NELL2: variants seen among roughly 807,000 people sequenced by gnomAD.
The protein encoded by NELL2 is protein kinase C-binding protein NELL2.
NELL2 carries 41 observed loss-of-function variants against 109.6 expected under a neutral mutation model. That is an observed-to-expected ratio of 0.37 (90% CI 0.29 to 0.49). NELL2 has a LOEUF of 0.49. Ranked by LOEUF, NELL2 falls within the 20% of genes least tolerant of loss-of-function variation. NELL2 has a pLI of 0.98. For synonymous variants in NELL2, 355 were observed against 344.7 expected (o/e 1.03, Z -0.33); for missense variants, 900 against 1,008.3 (o/e 0.89, Z 1.45).
chr12:44,627,793 T>C (rs988243419), intron 13 of NELL2, among the ~76,000 whole-genome samples: 3 of 152,204 alleles, frequency 2.0e-5, no homozygotes, highest in Admixed American at 1.3e-4. Flanking sequence ...TTCCAACTTA[T>C]GGAAAAGTAG....
At chr12:44,777,449 A>G (rs944609504) in intron 5 of NELL2, 135 bp from the exon 6 acceptor site, 4 of 676,176 alleles carry the variant, frequency 5.9e-6, no homozygotes, top group African/African-American at 1.8e-5. Flanking sequence ...TTGTTAATAC[A>G]TTATTTCCAC....
intron 11 of NELL2, among the ~76,000 whole-genome samples, chr12:44,705,724 A>T (rs1937840615): frequency 6.6e-6 from 1 of 152,202 alleles, no homozygotes; most frequent in South Asian, 2.1e-4. Context: ...TTTATTCTAT[A>T]TTAAAACAAA....
intron 15 of NELL2, among the ~76,000 whole-genome samples, chr12:44,587,307 A>ATATT (rs1302978950): frequency 1.1e-3 from 107 of 96,630 alleles, no homozygotes; most frequent in Admixed American, 2.1e-3. Context: ...ATATATATAT[A>ATATT]TTTTTTTTTA....
rs60628417 is a variant in NELL2 at position 44,849,678 on chromosome 12, G to A, written c.184+25547C>T. On this transcript the variant is annotated intron_variant, in intron 2 of 19. Coordinates refer to ENST00000429094, the MANE Select transcript of NELL2 (RefSeq NM_001145108.2). ...AAGGAATAAAAGTAAATGTCCAAAA[G>A]AAACTTTTAGAGAATATTTATGGCA... is the stretch of plus-strand genomic sequence containing the variant. 6.0e-3 allele frequency among the ~76,000 whole-genome samples: 914 copies of A among 152,142 alleles called. 6 individuals are homozygous for A. Among genetic ancestry groups the A allele is most frequent in the African/African-American group, 0.021 (870 of 41,526 alleles).
chr12:44,529,152 A>G (rs550983716), intron 16 of NELL2, among the ~76,000 whole-genome samples: 1 of 152,188 alleles, frequency 6.6e-6, no homozygotes, highest in Non-Finnish European at 1.5e-5. Flanking sequence ...GGAAGCTGCT[A>G]TAGTGGTTCA....
In NELL2 at chr12:44,547,022, A is replaced by G. The variant is rs77284286; in HGVS notation, c.1664-14301T>C. Among the ~76,000 whole-genome samples the G allele has an allele frequency of 1.2e-3, 187 of 152,250 alleles. 2 individuals carry two copies. The East Asian group carries it at 0.032, about 26-fold the overall frequency. ...CATTCACACACAAACCTTTTTTTTAAAAGATTTATATGGTGATAGGAGACA... is the reference window on the plus strand; with the variant it reads ...CATTCACACACAAACCTTTTTTTTAGAAGATTTATATGGTGATAGGAGACA... On this transcript the variant is annotated intron_variant, in intron 15 of 19. Transcript: ENST00000429094.
At chr12:44,527,316 A>G (rs1438825343) in intron 16 of NELL2, among the ~76,000 whole-genome samples, 1 of 152,220 alleles carries the variant, frequency 6.6e-6, no homozygotes, top group Non-Finnish European at 1.5e-5. Context: ...ATTTATGTGG[A>G]AAAAGATACT....
intron 9 of NELL2, among the ~76,000 whole-genome samples, chr12:44,759,958 A>C (rs10785524): frequency 0.7 from 106,831 of 151,538 alleles, 37,872 homozygotes; most frequent in Non-Finnish European, 0.74. Context: ...TTCGTATCAT[A>C]TACCTATGGC....
rs180730042 is a variant in NELL2, at chr12:44,707,086, T to C, written c.1190-3232A>G. On this transcript the variant is annotated intron_variant, in intron 11 of 19. Transcript: ENST00000429094. ...TTGCCTAAAGGCATCTATTTCTTGTTTTTGTGGAAAAAAAGAATAACCTCG... is the reference window on the plus strand; with the variant it reads ...TTGCCTAAAGGCATCTATTTCTTGTCTTTGTGGAAAAAAAGAATAACCTCG... Among the ~76,000 whole-genome samples the C allele has an allele frequency of 1.8e-3, 270 of 152,304 alleles. 2 individuals carry two copies. The highest frequency in any genetic ancestry group is 6.2e-3 in the African/African-American group (256 of 41,578).
intron 1 of NELL2, among the ~76,000 whole-genome samples, chr12:44,920,556 C>G (rs75697883): frequency 0.02 from 3,097 of 152,226 alleles, 46 homozygotes; most frequent in Non-Finnish European, 0.031. Context: ...TAATGAGCTA[C>G]AAGGTTTATT....
At chr12:44,719,928 T>C (rs891664932) in intron 9 of NELL2, among the ~76,000 whole-genome samples, 3 of 152,286 alleles carry the variant, frequency 2.0e-5, no homozygotes, top group African/African-American at 7.2e-5. Flanking sequence ...AATGCATTCA[T>C]GAGGCAGGCT....
At chr12:44,517,423 T>G (rs1471972321) in intron 19 of NELL2, among the ~76,000 whole-genome samples, 1 of 91,134 alleles carries the variant, frequency 1.1e-5, no homozygotes, top group East Asian at 3.9e-4. Flanking sequence ...CTCTCTCTCG[T>G]TCCCACTCTT....
chr12:44,902,509 A>G (rs1242192595), intron 1 of NELL2, among the ~76,000 whole-genome samples: 1 of 152,202 alleles, frequency 6.6e-6, no homozygotes, highest in Non-Finnish European at 1.5e-5. Context: ...TGCTATTCCC[A>G]TCAAGCTACC....
chr12:44,771,568 G>A (rs1292837043), intron 9 of NELL2, among the ~76,000 whole-genome samples: 1 of 152,154 alleles, frequency 6.6e-6, no homozygotes, highest in Non-Finnish European at 1.5e-5. Context: ...TAATTACTAT[G>A]GCTTTAACGA....
At chr12:44,695,298 A>T (rs1481166601) in intron 12 of NELL2, among the ~76,000 whole-genome samples, 2 of 152,146 alleles carry the variant, frequency 1.3e-5, no homozygotes, top group African/African-American at 4.8e-5. Context: ...CTCAAAAAAA[A>T]AAAAAAAAGA....
chr12:44,628,034 G>A (rs185743600), intron 13 of NELL2, among the ~76,000 whole-genome samples: 1 of 152,064 alleles, frequency 6.6e-6, no homozygotes, highest in African/African-American at 2.4e-5. Flanking sequence ...TGAATAAATG[G>A]GTGAAGAGTT....
chr12:44,512,975 C>T (rs1173127152), intron 19 of NELL2, among the ~76,000 whole-genome samples: 2 of 151,884 alleles, frequency 1.3e-5, no homozygotes, highest in East Asian at 3.9e-4. Context: ...TTTGAATGTT[C>T]CCACCACAAA....
intron 13 of NELL2, among the ~76,000 whole-genome samples, chr12:44,639,760 C>G (rs1380145312): frequency 1.3e-5 from 2 of 152,138 alleles, no homozygotes; most frequent in African/African-American, 2.4e-5. Flanking sequence ...ACAGCAATGT[C>G]TTTAAAACAT....
At position 44,522,044 on chromosome 12, in the gene NELL2, T is replaced by C; in HGVS notation, c.2131A>G (p.Ser711Gly). The C allele has an allele frequency of 1.2e-6, 2 of 1,614,116 alleles. No individual in the cohort carries two copies. Among genetic ancestry groups the C allele is most frequent in the Non-Finnish European group, 1.7e-6 (2 of 1,180,018 alleles). Residue 711 changes from serine (S) to glycine (G), a missense_variant, in exon 18 of 20, where the codon AGT becomes GGT. By Grantham distance (56) the Ser-to-Gly change is moderately conservative. Transcript: ENST00000429094. ...LHQNGETLYN[S>G]GDTWVQNCQQ... ...CAATTCTGGACCCAGGTGTCACCAC[T>C]GTTATACAAAGTTTCCCCATTTTGA...
Sources: allele counts gnomAD v4.1 joint callset (sites outside exome capture counted in the v4.1 genomes callset), GRCh38; gene constraint gnomAD v4.1.1; transcripts MANE v1.5; gene names NCBI Gene and HGNC (gene_info 2026-07-23, HGNC 2026-07-21).